The following MTUS2 variants were observed in gnomAD, a reference collection of about 807,000 sequenced individuals.
The protein encoded by MTUS2 is microtubule-associated tumor suppressor candidate 2.
In MTUS2, 40 loss-of-function variants were observed where a neutral mutation model predicts 114.1. The ratio of observed to expected loss-of-function variants is 0.35; its 90% CI spans 0.27 to 0.46. MTUS2 has a LOEUF of 0.46. Ranked by LOEUF, MTUS2 falls within the 20% of genes least tolerant of loss-of-function variation. The probability of loss-of-function intolerance (pLI) is 1.00; values close to 1 mark genes in which losing one functional copy is unlikely to be tolerated. For synonymous variants in MTUS2, 688 were observed against 672.0 expected (o/e 1.02, Z -0.37); for missense variants, 1,679 against 1,705.4 (o/e 0.98, Z 0.27).
intron 2 of MTUS2, among the ~76,000 whole-genome samples, chr13:28,944,878 CA>C (rs1882436190): frequency 6.6e-6 from 1 of 152,162 alleles, no homozygotes; most frequent in Non-Finnish European, 1.5e-5. Flanking sequence ...GTTACATGGA[CA>C]TACTGTGTAG....
intron 2 of MTUS2, among the ~76,000 whole-genome samples, chr13:28,847,027 C>G (rs1359444922): frequency 6.6e-6 from 1 of 152,142 alleles, no homozygotes; most frequent in African/African-American, 2.4e-5. Flanking sequence ...GAGCAAAGTA[C>G]AGAGGGCTGG....
At chr13:29,033,612 T>C (rs1886927109) in intron 3 of MTUS2, among the ~76,000 whole-genome samples, 1 of 152,176 alleles carries the variant, frequency 6.6e-6, no homozygotes, top group African/African-American at 2.4e-5. Flanking sequence ...TTTGTAACAA[T>C]GGAATTAAAA....
At chr13:28,862,350 C>A (rs1877039673) in intron 2 of MTUS2, among the ~76,000 whole-genome samples, 1 of 152,212 alleles carries the variant, frequency 6.6e-6, no homozygotes, top group East Asian at 1.9e-4. Context: ...GTGGCTCACG[C>A]CTTTAATCCT....
chr13:29,401,032 G>C (rs1874299194), intron 8 of MTUS2, among the ~76,000 whole-genome samples: 1 of 152,112 alleles, frequency 6.6e-6, no homozygotes, highest in African/African-American at 2.4e-5. Flanking sequence ...CTGTCACCCA[G>C]GCTGGAGTGC....
At chr13:29,213,515 G>T (rs1895543089) in intron 5 of MTUS2, among the ~76,000 whole-genome samples, 1 of 152,144 alleles carries the variant, frequency 6.6e-6, no homozygotes, top group Admixed American at 6.5e-5. Context: ...ATATTCTGAA[G>T]CTCTGTAAGG....
intron 2 of MTUS2, among the ~76,000 whole-genome samples, chr13:28,920,947 C>A (rs1046930957): frequency 6.6e-6 from 1 of 152,216 alleles, no homozygotes; most frequent in African/African-American, 2.4e-5. Flanking sequence ...CCCTTTAGGG[C>A]AGTGGGCTCC....
intron 7 of MTUS2, among the ~76,000 whole-genome samples, chr13:29,349,974 C>T (rs893913325): frequency 2.0e-5 from 3 of 152,138 alleles, no homozygotes; most frequent in Non-Finnish European, 2.9e-5. Context: ...TCTTCGTCTT[C>T]AGGGACTCTA....
At chr13:29,290,769 C>T (rs942605518) in intron 6 of MTUS2, among the ~76,000 whole-genome samples, 2 of 152,152 alleles carry the variant, frequency 1.3e-5, no homozygotes, top group African/African-American at 2.4e-5. Flanking sequence ...GCTCTGCTCA[C>T]GAGTTTAGTT....
chr13:29,026,858 C>G lies in MTUS2; in HGVS notation c.2160C>G (p.Pro720=). Residue 720 remains proline (P), a synonymous_variant, in exon 3 of 16, where the codon CCC becomes CCG. Transcript: ENST00000612955. ...SSGLMVSGIK[P]PGHPFSQMSE... ...GATTGATGGTGTCTGGAATCAAGCCCCCGGGACATCCTTTCAGTCAAATGA... is the reference window on the plus strand; with the variant it reads ...GATTGATGGTGTCTGGAATCAAGCCGCCGGGACATCCTTTCAGTCAAATGA... 6.2e-7 allele frequency: 1 copy of G among 1,602,836 alleles called. No homozygotes were observed. Among genetic ancestry groups the G allele is most frequent in the Non-Finnish European group, 8.5e-7 (1 of 1,179,206 alleles).
At chr13:29,199,835 T>G (rs1302268922) in intron 5 of MTUS2, among the ~76,000 whole-genome samples, 1 of 152,170 alleles carries the variant, frequency 6.6e-6, no homozygotes, top group African/African-American at 2.4e-5. Flanking sequence ...GCCTTTTATC[T>G]TTGGTAGGCT....
intron 5 of MTUS2, among the ~76,000 whole-genome samples, chr13:29,132,215 G>T (rs966380414): frequency 6.6e-6 from 1 of 152,158 alleles, no homozygotes; most frequent in Non-Finnish European, 1.5e-5. Context: ...TGAAGGAATA[G>T]AACTTAACCT....
intron 4 of MTUS2, among the ~76,000 whole-genome samples, chr13:29,046,249 A>T (rs1316878758): frequency 6.7e-6 from 1 of 150,060 alleles, no homozygotes; most frequent in African/African-American, 2.5e-5. Flanking sequence ...AGCAGCTGGG[A>T]CTATAGGCGT....
rs551287205 is a variant in MTUS2, at chr13:28,859,671, T to C, written c.-243+19821T>C. Among the ~76,000 whole-genome samples, 269 of 152,288 alleles carry C rather than the reference T, an allele frequency of 1.8e-3. 3 individuals carry two copies. The highest frequency in any genetic ancestry group is 3.4e-3 in the Middle Eastern group (1 of 294). Reference sequence around the variant, plus strand: ...ATTTTTGCAAAACATATTTAACTTATGCAGGATGATGGGGTAGACCATCCT... The same window carrying C: ...ATTTTTGCAAAACATATTTAACTTACGCAGGATGATGGGGTAGACCATCCT... On this transcript the variant is annotated intron_variant, in intron 2 of 15. Transcript: ENST00000612955.
chr13:29,217,212 T>C (rs551396884), intron 5 of MTUS2, among the ~76,000 whole-genome samples: 1 of 152,330 alleles, frequency 6.6e-6, no homozygotes, highest in African/African-American at 2.4e-5. Context: ...ATATAGTATT[T>C]TATGTATTTT....
At chr13:29,428,598 T>TTGGCCCCCCCCC in intron 8 of MTUS2, 1 of 155,460 alleles carries the variant, frequency 6.4e-6, no homozygotes, top group Admixed American at 7.1e-5. Flanking sequence ...CCTTCCTGGC[T>TTGGCCCCCCCCC]CCCGCCCGCC....
At chr13:29,494,556 A>G (rs1882401435) in intron 12 of MTUS2, among the ~76,000 whole-genome samples, 1 of 151,834 alleles carries the variant, frequency 6.6e-6, no homozygotes. Context: ...TTGGTGTAGG[A>G]GCCATGGAGG....
intron 2 of MTUS2, among the ~76,000 whole-genome samples, chr13:28,881,387 A>C (rs925439336): frequency 6.6e-6 from 1 of 152,114 alleles, no homozygotes; most frequent in Non-Finnish European, 1.5e-5. Context: ...ATTGATGGAC[A>C]CTTAGGTTGA....
chr13:29,502,801 C>G (rs1882994353), intron 15 of MTUS2, among the ~76,000 whole-genome samples, 192 bp from the exon 16 acceptor site: 1 of 152,180 alleles, frequency 6.6e-6, no homozygotes, highest in African/African-American at 2.4e-5. Flanking sequence ...CAGAGAGGCT[C>G]TGGGAACAGA....
chr13:29,213,468 C>A, intron 5 of MTUS2, among the ~76,000 whole-genome samples: 1 of 152,210 alleles, frequency 6.6e-6, no homozygotes, highest in Admixed American at 6.5e-5. Context: ...GCAGACTTGT[C>A]TATTTCCTTT....
Sources: gnomAD v4.1 joint callset for allele counts (sites outside exome capture counted in the v4.1 genomes callset) on GRCh38, gnomAD v4.1.1 for gene constraint, MANE v1.5 for transcripts, NCBI Gene and HGNC (gene_info 2026-07-23, HGNC 2026-07-21) for gene names.